TRDN: variants seen among roughly 807,000 people sequenced by gnomAD.
TRDN encodes the protein triadin, also known as triadin in skeletal muscle.
TRDN carries 161 observed loss-of-function variants against 149.7 expected under a neutral mutation model. That is an observed-to-expected ratio of 1.08 (90% CI 0.95 to 1.23). The LOEUF is 1.23. TRDN is among the 50% of genes most tolerant of loss of function. The pLI, the probability that TRDN is intolerant of heterozygous loss-of-function variation, is 0.00. For synonymous variants in TRDN, 294 were observed against 250.5 expected (o/e 1.17, Z -1.64); for missense variants, 896 against 823.5 (o/e 1.09, Z -1.08).
intron 1 of TRDN, among the ~76,000 whole-genome samples, chr6:123,580,561 C>CA (rs1345819192): frequency 6.6e-6 from 1 of 152,132 alleles, no homozygotes; most frequent in East Asian, 1.9e-4. Context: ...CTTCTAATGA[C>CA]ATTGTTATAG....
At chr6:123,549,420 T>C (rs1468727838) in intron 2 of TRDN, among the ~76,000 whole-genome samples, 1 of 152,030 alleles carries the variant, frequency 6.6e-6, no homozygotes, top group Non-Finnish European at 1.5e-5. Context: ...TCTAGAAATA[T>C]GGTATAAATT....
intron 35 of TRDN, among the ~76,000 whole-genome samples, chr6:123,256,690 T>G (rs1381927811): frequency 1.3e-5 from 2 of 152,038 alleles, no homozygotes; most frequent in African/African-American, 4.8e-5. Context: ...GTAAGTTTGT[T>G]TAAGTTCCTA....
intron 1 of TRDN, among the ~76,000 whole-genome samples, chr6:123,615,482 GTA>G (rs908890809): frequency 2.0e-5 from 3 of 152,034 alleles, no homozygotes; most frequent in East Asian, 1.9e-4. Flanking sequence ...ATGTGTGTGT[GTA>G]TGTGTGTGTG....
chr6:123,579,241 A>G (rs1361802040), intron 1 of TRDN, among the ~76,000 whole-genome samples: 1 of 152,158 alleles, frequency 6.6e-6, no homozygotes, highest in Non-Finnish European at 1.5e-5. Context: ...AAATGCTTCC[A>G]GATTTTGCCC....
At chr6:123,460,871 T>C (rs1776408329) in intron 10 of TRDN, among the ~76,000 whole-genome samples, 1 of 152,170 alleles carries the variant, frequency 6.6e-6, no homozygotes, top group Admixed American at 6.5e-5. Flanking sequence ...ATGAAAGACT[T>C]GAGGTTTCAC....
At chr6:123,277,261 G>C (rs1777400172) in intron 26 of TRDN, among the ~76,000 whole-genome samples, 1 of 152,092 alleles carries the variant, frequency 6.6e-6, no homozygotes, top group African/African-American at 2.4e-5. Flanking sequence ...TTGATAGTTA[G>C]ATGAAATTTT....
chr6:123,396,760 C>A (rs924911933), intron 12 of TRDN, among the ~76,000 whole-genome samples: 1 of 152,120 alleles, frequency 6.6e-6, no homozygotes, highest in Non-Finnish European at 1.5e-5. Flanking sequence ...CATTAGTCTG[C>A]AAACATTTTG....
chr6:123,501,975 T>A (rs887396382), intron 8 of TRDN: 2 of 985,052 alleles, frequency 2.0e-6, no homozygotes, highest in African/African-American at 1.7e-5. Context: ...CCCAAAGATA[T>A]GAAAAATTAA....
intron 5 of TRDN, chr6:123,529,270 G>A (rs933192218): frequency 3.9e-6 from 6 of 1,548,876 alleles, no homozygotes; most frequent in Middle Eastern, 1.7e-4. Flanking sequence ...TAGTCAATCC[G>A]TACTCAAGAG....
intron 12 of TRDN, among the ~76,000 whole-genome samples, chr6:123,417,078 G>C (rs1773688167): frequency 6.6e-6 from 1 of 152,116 alleles, no homozygotes; most frequent in Non-Finnish European, 1.5e-5. Context: ...AATTAATGAA[G>C]GAATACCTAA....
intron 14 of TRDN, among the ~76,000 whole-genome samples, chr6:123,386,455 A>AT (rs1781910706): frequency 6.6e-6 from 1 of 152,218 alleles, no homozygotes; most frequent in Non-Finnish European, 1.5e-5. Flanking sequence ...ATCAGATAAC[A>AT]GCTCACCATG....
intron 8 of TRDN, among the ~76,000 whole-genome samples, chr6:123,499,719 A>AAAAAAAAAAAAAAAAATATATATATAT: frequency 4.2e-5 from 2 of 47,682 alleles, no homozygotes; most frequent in African/African-American, 7.1e-5. Context: ...AAAAAAAAAA[A>AAAAAAAAAAAAAAAAATATATATATAT]ATATATATAT....
intron 26 of TRDN, 68 bp from the exon 27 acceptor site, chr6:123,274,738 G>T: frequency 1.4e-6 from 2 of 1,405,540 alleles, no homozygotes; most frequent in East Asian, 2.5e-5. Flanking sequence ...TTAATTTTTA[G>T]AAATAATTTT....
rs1427267027 is a variant in TRDN at position 123,284,006 on chromosome 6, A to ATATATATATATATATATATATATATAT, written c.1511-4925_1511-4924insATATATATATATATATATATATATATA. 2.2e-3 allele frequency among the ~76,000 whole-genome samples: 262 copies of ATATATATATATATATATATATATATAT among 119,198 alleles called. 11 individuals carry two copies. The highest frequency in any genetic ancestry group is 2.9e-3 in the Non-Finnish European group (167 of 57,914). 78.2% of individuals were successfully genotyped at this position (119,198 alleles called of 152,430 possible). A position where few individuals can be genotyped will look rare whatever the true frequency, so the allele number is the denominator to read the frequency against. On this transcript the variant is annotated intron_variant, in intron 24 of 40. Transcript: ENST00000334268. Reference sequence around the variant, plus strand: ...GGCACATATATATATATATATATGTAACAAACCTGCACATTGTGCACATGT... The same window carrying ATATATATATATATATATATATATATAT: ...GGCACATATATATATATATATATGTATATATATATATATATATATATATATATACAAACCTGCACATTGTGCACATGT...
At chr6:123,563,599 C>T (rs1276273441) in intron 2 of TRDN, among the ~76,000 whole-genome samples, 1 of 152,060 alleles carries the variant, frequency 6.6e-6, no homozygotes, top group East Asian at 1.9e-4. Context: ...AGCTACGATT[C>T]AACAGAAATA....
Position 123,216,755 on chromosome 6 carries a change from CA to C in TRDN, c.*1845del, listed in dbSNP as rs1774983372. On this transcript the variant is annotated 3_prime_UTR_variant, in exon 41 of 41. Transcript: ENST00000334268. Reference sequence around the variant, plus strand: ...GTTTAGTAAATTTTTCAAGGTCATTCACTATGTCAGAATAGCGCTGGGAATC... The same window carrying C: ...GTTTAGTAAATTTTTCAAGGTCATTCCTATGTCAGAATAGCGCTGGGAATC... 1 of 151,834 alleles carries C rather than the reference CA, an allele frequency of 6.6e-6. No individual in the cohort carries two copies. Among genetic ancestry groups the C allele is most frequent in the African/African-American group, 2.4e-5 (1 of 41,394 alleles). 9.4% of individuals were successfully genotyped at this position (151,834 alleles called of 1,614,324 possible).
chr6:123,618,417 G>T (rs944751946), intron 1 of TRDN, among the ~76,000 whole-genome samples: 3 of 152,084 alleles, frequency 2.0e-5, no homozygotes, highest in South Asian at 4.1e-4. Context: ...AACAGAAAAA[G>T]TTCTCCAATT....
In TRDN at chr6:123,331,863, C is replaced by T. The variant is rs1459675653; in HGVS notation, c.1471+16G>A. 4.0e-6 allele frequency: 6 copies of T among 1,503,816 alleles called. No homozygotes were observed. The highest frequency in any genetic ancestry group is 5.4e-6 in the Non-Finnish European group (6 of 1,119,006). 93.2% of individuals were successfully genotyped at this position (1,503,816 alleles called of 1,614,324 possible). On this transcript the variant is annotated intron_variant, in intron 23 of 40. Transcript: ENST00000334268. Reference sequence around the variant, plus strand: ...GGCAGATCAATGTGGCTTCACATTTCATTGTATAATATTACCTTTTTCCTT... The same window carrying T: ...GGCAGATCAATGTGGCTTCACATTTTATTGTATAATATTACCTTTTTCCTT...
intron 21 of TRDN, chr6:123,352,112 A>T: frequency 1.0e-6 from 1 of 982,884 alleles, no homozygotes; most frequent in South Asian, 4.7e-5. Flanking sequence ...CTTCATTTTA[A>T]CTTTTACATA....
Sources: allele counts gnomAD v4.1 joint callset (sites outside exome capture counted in the v4.1 genomes callset), GRCh38; gene constraint gnomAD v4.1.1; transcripts MANE v1.5; gene names NCBI Gene and HGNC (gene_info 2026-07-23, HGNC 2026-07-21).